Variants in TRPC4 observed in about 807,000 individuals in gnomAD.
The protein encoded by TRPC4 is short transient receptor potential channel 4.
Under a neutral mutation model 99.4 loss-of-function variants are expected in TRPC4, and 49 were observed. That is an observed-to-expected ratio of 0.49 (90% CI 0.39 to 0.63). The LOEUF is 0.63. TRPC4 is among the 20% of genes least tolerant of loss of function. TRPC4 has a pLI of 0.00. For synonymous variants in TRPC4, 454 were observed against 425.9 expected (o/e 1.07, Z -0.81); for missense variants, 898 against 1,152.9 (o/e 0.78, Z 3.20).
rs1298684306 is a variant in TRPC4 at position 37,869,698 on chromosome 13, C to T, written c.-131G>A. On this transcript the variant is annotated 5_prime_UTR_variant, in exon 1 of 11. Transcript: ENST00000379705. Reference sequence around the variant, plus strand: ...GCCCGGCAAATTCCAATGGAATTCCCTTAGTCGCTGCTGAGTTTTGGAGCA... The same window carrying T: ...GCCCGGCAAATTCCAATGGAATTCCTTTAGTCGCTGCTGAGTTTTGGAGCA... The T allele has an allele frequency of 6.6e-6, 1 of 152,318 alleles. No individual in the cohort carries two copies. The highest frequency in any genetic ancestry group is 1.9e-4 in the East Asian group (1 of 5,178). 9.4% of individuals were successfully genotyped at this position (152,318 alleles called of 1,614,324 possible). A position where few individuals can be genotyped will look rare whatever the true frequency, so the allele number is the denominator to read the frequency against.
chr13:37,775,052 A>C (rs1956660189), intron 2 of TRPC4, among the ~76,000 whole-genome samples: 2 of 151,762 alleles, frequency 1.3e-5, no homozygotes, highest in African/African-American at 4.8e-5. Flanking sequence ...AATGGATTAG[A>C]GGGCTCTAAT....
intron 3 of TRPC4, among the ~76,000 whole-genome samples, chr13:37,729,260 T>C (rs1392426881): frequency 1.3e-5 from 2 of 152,008 alleles, no homozygotes; most frequent in African/African-American, 4.8e-5. Context: ...GGGAAATGCA[T>C]ATCAAAACTA....
chr13:37,694,452 G>A (rs1046239381), intron 3 of TRPC4, among the ~76,000 whole-genome samples: 1 of 152,074 alleles, frequency 6.6e-6, no homozygotes, highest in Admixed American at 6.6e-5. Flanking sequence ...TACAGCATGG[G>A]GCACCTGAGG....
chr13:37,654,920 A>G (rs1243928386), intron 7 of TRPC4, among the ~76,000 whole-genome samples, 168 bp downstream of exon 7: 1 of 152,214 alleles, frequency 6.6e-6, no homozygotes, highest in African/African-American at 2.4e-5. Flanking sequence ...TTATAGCTAC[A>G]TATAGTGTGC....
intron 1 of TRPC4, among the ~76,000 whole-genome samples, chr13:37,843,793 A>G (rs1958808561): frequency 6.6e-6 from 1 of 152,094 alleles, no homozygotes; most frequent in South Asian, 2.1e-4. Context: ...CCTACCTACC[A>G]CAGAAATCTA....
chr13:37,655,275 T>G lies in TRPC4; in HGVS notation c.1697A>C (p.Glu566Ala). 1 of 1,550,674 alleles carries G rather than the reference T, an allele frequency of 6.4e-7. No individual in the cohort carries two copies. Among genetic ancestry groups the G allele is most frequent in the East Asian group, 2.4e-5 (1 of 42,378 alleles). Reference sequence around the variant, plus strand: ...TGACCAAAACAGGGACTGCAGTGTCTCAAATAACCTGTAATAAAGATAAAA... The same window carrying G: ...TGACCAAAACAGGGACTGCAGTGTCGCAAATAACCTGTAATAAAGATAAAA... ...KQNNAFSTLF[E>A]TLQSLFWSIF... The change falls in exon 7 of 11, where the codon GAG (glutamate) becomes GCG (alanine). Residue 566 changes from glutamate (E) to alanine (A), a missense_variant. This residue lies in a region of TRPC4 where 274 missense variants were observed against 454.9 expected (regional missense o/e 0.60). Coordinates refer to ENST00000379705, the MANE Select transcript of TRPC4 (RefSeq NM_016179.4).
chr13:37,692,358 G>A (rs1454012572), intron 3 of TRPC4, 23 bp from the exon 4 acceptor site: 5 of 1,586,164 alleles, frequency 3.2e-6, no homozygotes, highest in African/African-American at 2.7e-5. Flanking sequence ...GAAAGGAAAA[G>A]GAAAAATAAG....
Position 37,746,956 on chromosome 13 carries a change from T to C in TRPC4, c.379-501A>G, listed in dbSNP as rs188178192. ...TACTGTGTTTTAGCTTCTGCTTTCCTATCATTCAGCCTAGTGACTAAATGT... is the reference window on the plus strand; with the variant it reads ...TACTGTGTTTTAGCTTCTGCTTTCCCATCATTCAGCCTAGTGACTAAATGT... On this transcript the variant is annotated intron_variant, in intron 2 of 10. Coordinates refer to ENST00000379705, the MANE Select transcript of TRPC4 (RefSeq NM_016179.4). Among the ~76,000 whole-genome samples, 401 of 152,316 alleles carry C rather than the reference T, an allele frequency of 2.6e-3. 1 individual carries two copies. Among genetic ancestry groups the C allele is most frequent in the African/African-American group, 9.1e-3 (378 of 41,592 alleles).
chr13:37,633,777 A>T lies in TRPC4; in HGVS notation c.*3126T>A, dbSNP rs1330117607. On this transcript the variant is annotated 3_prime_UTR_variant, in exon 11 of 11. Coordinates refer to ENST00000379705, the MANE Select transcript of TRPC4 (RefSeq NM_016179.4). ...TATACAAATATTCAATTCATGAAAC[A>T]GATACATTTTGAGGATGTTTAGCAC... Among the ~76,000 whole-genome samples, 1 of 152,170 alleles carries T rather than the reference A, an allele frequency of 6.6e-6. No homozygotes were observed. Among genetic ancestry groups the T allele is most frequent in the Non-Finnish European group, 1.5e-5 (1 of 67,990 alleles).
At chr13:37,837,913 A>G (rs1330872625) in intron 1 of TRPC4, among the ~76,000 whole-genome samples, 1 of 152,026 alleles carries the variant, frequency 6.6e-6, no homozygotes, top group South Asian at 2.1e-4. Context: ...CATGGGGGCA[A>G]ATTTTTCCCA....
chr13:37,720,351 T>C (rs920525372), intron 3 of TRPC4, among the ~76,000 whole-genome samples: 7 of 152,158 alleles, frequency 4.6e-5, no homozygotes, highest in Non-Finnish European at 4.4e-5. Context: ...GGGCAGATCC[T>C]AGAACGAAAG....
At chr13:37,868,696 T>C (rs1593353420) in intron 1 of TRPC4, among the ~76,000 whole-genome samples, 1 of 152,082 alleles carries the variant, frequency 6.6e-6, no homozygotes, top group Admixed American at 6.6e-5. Context: ...TTTGGCTTGG[T>C]GCTTACTCCT....
chr13:37,727,219 A>G (rs532000092), intron 3 of TRPC4, among the ~76,000 whole-genome samples: 6 of 152,138 alleles, frequency 3.9e-5, no homozygotes, highest in Non-Finnish European at 7.4e-5. Context: ...AAATATTGAT[A>G]TCATACAAAG....
rs188876911 is a variant in TRPC4 at position 37,853,638 on chromosome 13, T to C, written c.-28+15957A>G. Reference sequence around the variant, plus strand: ...ACATGTGACCTTTCATACAGAGAACTCAAAATAGCTGTTTTAAGGAAACTC... The same window carrying C: ...ACATGTGACCTTTCATACAGAGAACCCAAAATAGCTGTTTTAAGGAAACTC... On this transcript the variant is annotated intron_variant, in intron 1 of 10. Coordinates refer to ENST00000379705, the MANE Select transcript of TRPC4 (RefSeq NM_016179.4). Among the ~76,000 whole-genome samples the C allele has an allele frequency of 1.3e-3, 192 of 152,184 alleles. 1 individual carries two copies. The highest frequency in any genetic ancestry group is 4.6e-3 in the African/African-American group (190 of 41,518).
intron 1 of TRPC4, among the ~76,000 whole-genome samples, chr13:37,823,681 A>T (rs1209671490): frequency 4.0e-5 from 6 of 149,172 alleles, no homozygotes; most frequent in Non-Finnish European, 9.0e-5. Flanking sequence ...GTAGCCTTGT[A>T]GTATAGTTTG....
At chr13:37,673,591 C>A (rs1036511238) in intron 5 of TRPC4, among the ~76,000 whole-genome samples, 7 of 151,640 alleles carry the variant, frequency 4.6e-5, no homozygotes, top group African/African-American at 1.7e-4. Flanking sequence ...TTGAAAGAAA[C>A]CCAACAAAGT....
chr13:37,664,633 A>G (rs1472722772), intron 5 of TRPC4, among the ~76,000 whole-genome samples: 2 of 152,220 alleles, frequency 1.3e-5, no homozygotes, highest in Non-Finnish European at 2.9e-5. Flanking sequence ...AAAATCTGTA[A>G]TTAAATCTGT....
rs376244396 is a variant in TRPC4 at position 37,827,521 on chromosome 13, G to A, written c.-28+42074C>T. On this transcript the variant is annotated intron_variant, in intron 1 of 10. Coordinates refer to ENST00000379705, the MANE Select transcript of TRPC4 (RefSeq NM_016179.4). ...GACCCTCAGCTGCAGGTCTGTTGGA[G>A]TACCCTGCGGTGTGAGGTGTCAGTG... Among the ~76,000 whole-genome samples, 144 of 152,070 alleles carry A rather than the reference G, an allele frequency of 9.5e-4. 2 individuals are homozygous for A. In the South Asian group the frequency reaches 0.02, roughly 22 times the overall value.
chr13:37,774,488 A>C (rs868388005), intron 2 of TRPC4, among the ~76,000 whole-genome samples: 31 of 151,840 alleles, frequency 2.0e-4, no homozygotes, highest in African/African-American at 6.8e-4. Flanking sequence ...ATTCTTGAAA[A>C]GAACATTTAT....
Sources: allele counts gnomAD v4.1 joint callset (sites outside exome capture counted in the v4.1 genomes callset), GRCh38; gene constraint gnomAD v4.1.1; regional missense constraint gnomAD v4.1.1; transcripts MANE v1.5; gene names NCBI Gene and HGNC (gene_info 2026-07-23, HGNC 2026-07-21).